GUCY2C: variants seen among roughly 807,000 people sequenced by gnomAD.
GUCY2C encodes guanylate cyclase 2C, also known as guanylyl cyclase C.
GUCY2C carries 118 observed loss-of-function variants against 131.1 expected under a neutral mutation model. That is an observed-to-expected ratio of 0.90 (90% CI 0.78 to 1.05). The LOEUF (loss-of-function observed/expected upper bound fraction) is 1.05. Among genes scored for constraint, GUCY2C ranks in the 50% least tolerant of loss-of-function variants. GUCY2C has a pLI of 0.00. For missense variants in GUCY2C, 1,161 were observed against 1,304.4 expected (o/e 0.89, Z 1.69); for synonymous variants, 452 against 457.8 (o/e 0.99, Z 0.16).
At chr12:14,680,905 A>T (rs1948335576) in intron 5 of GUCY2C, among the ~76,000 whole-genome samples, 1 of 152,156 alleles carries the variant, frequency 6.6e-6, no homozygotes, top group Non-Finnish European at 1.5e-5. Flanking sequence ...AAAGTGAGAT[A>T]ATCTTTGCTT....
chr12:14,668,779 G>A (rs922050483), intron 10 of GUCY2C, among the ~76,000 whole-genome samples: 3 of 152,082 alleles, frequency 2.0e-5, no homozygotes, highest in East Asian at 1.9e-4. Flanking sequence ...CTGAGGCCTC[G>A]TTGCCCAGGA....
intron 9 of GUCY2C, among the ~76,000 whole-genome samples, chr12:14,670,951 G>T (rs1948094708): frequency 6.6e-6 from 1 of 151,700 alleles, no homozygotes; most frequent in African/African-American, 2.4e-5. Context: ...GAGAGAATGA[G>T]AAAGAAGCAA....
intron 19 of GUCY2C, among the ~76,000 whole-genome samples, chr12:14,638,962 A>G (rs1190511155): frequency 1.3e-5 from 2 of 152,150 alleles, no homozygotes; most frequent in Non-Finnish European, 1.5e-5. Context: ...AAAATATCAC[A>G]TATACCCCAC....
chr12:14,619,619 A>G lies in GUCY2C; in HGVS notation c.2777-310T>C, dbSNP rs1592074610. 3 of 289,300 alleles carry G rather than the reference A, an allele frequency of 1.0e-5. No homozygotes were observed. The East Asian group carries it at 2.2e-4, about 21-fold the overall frequency. 17.9% of individuals were successfully genotyped at this position (289,300 alleles called of 1,614,324 possible). On this transcript the variant is annotated intron_variant, in intron 23 of 26. Transcript: ENST00000261170. Reference sequence around the variant, plus strand: ...AATAGAAGGCTCTCAGGAAGGATGAAGATGAGCCCCACTGCTTGCTTACTG... The same window carrying G: ...AATAGAAGGCTCTCAGGAAGGATGAGGATGAGCCCCACTGCTTGCTTACTG...
At chr12:14,692,403 A>G (rs945513705) in intron 1 of GUCY2C, among the ~76,000 whole-genome samples, 6 of 152,046 alleles carry the variant, frequency 3.9e-5, no homozygotes, top group African/African-American at 1.5e-4. Context: ...TAATAAAAAT[A>G]TTATTTATGC....
In GUCY2C at chr12:14,674,406, T is replaced by G. The variant is rs1320773248; in HGVS notation, c.1084+219A>C. 1.4e-5 allele frequency: 8 copies of G among 588,534 alleles called. No individual in the cohort carries two copies. The East Asian group carries it at 2.5e-4, about 18-fold the overall frequency. The allele number at this position is 588,534 out of a possible 1,614,324, so 36.5% of individuals were successfully genotyped here. On this transcript the variant is annotated intron_variant, in intron 8 of 26. Coordinates refer to ENST00000261170, the MANE Select transcript of GUCY2C (RefSeq NM_004963.4). ...AGAACCTGCGCTACCTGCCCTTTTC[T>G]GTGACATCCAAAGATTCTAAAAGAC...
intron 19 of GUCY2C, 36 bp downstream of exon 19, chr12:14,639,826 C>T: frequency 8.1e-7 from 1 of 1,229,878 alleles, no homozygotes; most frequent in Non-Finnish European, 1.2e-6. Flanking sequence ...AATTTTATAG[C>T]AGGCCAAGGA....
Position 14,621,060 on chromosome 12 carries a change from G to A in GUCY2C, c.2758C>T (p.Arg920Cys), listed in dbSNP as rs149347801. The A allele has an allele frequency of 1.7e-5, 28 of 1,613,652 alleles. No individual in the cohort carries two copies. Among genetic ancestry groups the A allele is most frequent in the South Asian group, 5.5e-5 (5 of 91,082 alleles). The change falls in exon 23 of 27, where the codon CGC becomes TGC. Residue 920 changes from arginine to cysteine, a missense_variant. Arg to Cys is a radical substitution (Grantham distance 180). Transcript: ENST00000261170. Reference protein sequence around the residue: ...EHLPGLPIWIRIGVHSGPCAA... With the variant: ...EHLPGLPIWICIGVHSGPCAA... ...TCCATACCAGAGTGAACTCCAATGC[G>A]AATCCATATTGGGAGGCCAGGAAGA...
At chr12:14,693,538 T>G (rs1948609715) in intron 1 of GUCY2C, among the ~76,000 whole-genome samples, 2 of 152,254 alleles carry the variant, frequency 1.3e-5, no homozygotes, top group South Asian at 4.1e-4. Flanking sequence ...TTTTCCTCAA[T>G]GTAACCCTGA....
chr12:14,675,619 C>T (rs1948217032), intron 7 of GUCY2C, among the ~76,000 whole-genome samples: 1 of 152,106 alleles, frequency 6.6e-6, no homozygotes, highest in African/African-American at 2.4e-5. Flanking sequence ...CTTCATGCCC[C>T]AAATGCCTGT....
intron 20 of GUCY2C, among the ~76,000 whole-genome samples, chr12:14,626,399 T>A (rs868447526): frequency 3.3e-5 from 5 of 152,264 alleles, no homozygotes; most frequent in Non-Finnish European, 7.4e-5. Context: ...AATGTTAAAA[T>A]GATGGTAATC....
intron 17 of GUCY2C, among the ~76,000 whole-genome samples, chr12:14,642,998 G>GTAAA (rs1947440098): frequency 1.3e-5 from 2 of 152,134 alleles, no homozygotes. Flanking sequence ...TCAAGAAAGG[G>GTAAA]TAAATGTTCA....
intron 11 of GUCY2C, among the ~76,000 whole-genome samples, chr12:14,660,083 A>G (rs1274957349): frequency 1.3e-5 from 2 of 152,240 alleles, no homozygotes; most frequent in Non-Finnish European, 2.9e-5. Flanking sequence ...GATTGAAGAA[A>G]ATAGTCTACT....
intron 21 of GUCY2C, among the ~76,000 whole-genome samples, chr12:14,622,582 A>G (rs1946918598): frequency 6.6e-6 from 1 of 152,186 alleles, no homozygotes. Context: ...AGCTGAGGAG[A>G]GTGTGGTATT....
In GUCY2C at chr12:14,640,177, A is replaced by G. The variant is rs1947364632; in HGVS notation, c.2069-227T>C. 2.0e-5 allele frequency among the ~76,000 whole-genome samples: 3 copies of G among 152,188 alleles called. No homozygotes were observed. In the South Asian group the frequency reaches 6.2e-4, roughly 32 times the overall value. ...CAGAAGGTTACCTTAAGGATAGGCT[A>G]CCAGGTGGGGCACAGTGCCTCAAAG... On this transcript the variant is annotated intron_variant, in intron 18 of 26. Coordinates refer to ENST00000261170, the MANE Select transcript of GUCY2C (RefSeq NM_004963.4).
Position 14,651,948 on chromosome 12 carries a change from G to A in GUCY2C, c.1605+11C>T, listed in dbSNP as rs199590084. 16 of 1,452,152 alleles carry A rather than the reference G, an allele frequency of 1.1e-5. No homozygotes were observed. The African/African-American group carries it at 2.2e-4, about 20-fold the overall frequency. The allele number at this position is 1,452,152 out of a possible 1,614,324, so 90.0% of individuals were successfully genotyped here. ...GTTATTTCTCAAGGGTTTGAAGTAA[G>A]GGCTACATACCTTGTTCAATTCTAT... On this transcript the variant is annotated intron_variant, in intron 14 of 26. Transcript: ENST00000261170.
rs983358248 is a variant in GUCY2C at position 14,696,456 on chromosome 12, A to G, written c.-8T>C. 15 of 1,607,902 alleles carry G rather than the reference A, an allele frequency of 9.3e-6. No homozygotes were observed. Among genetic ancestry groups the G allele is most frequent in the Admixed American group, 1.7e-5 (1 of 60,002 alleles). On this transcript the variant is annotated 5_prime_UTR_variant, in exon 1 of 27. Transcript: ENST00000261170. ...CAACAGCAACGTCTTCATGACCCCA[A>G]TCACGTTAGAACCATACTCCTTGTG...
intron 8 of GUCY2C, chr12:14,674,407 G>A: frequency 1.7e-6 from 1 of 590,168 alleles, no homozygotes. Context: ...GCCCTTTTCT[G>A]TGACATCCAA....
chr12:14,695,688 G>A (rs887193395), intron 1 of GUCY2C, among the ~76,000 whole-genome samples: 3 of 151,434 alleles, frequency 2.0e-5, no homozygotes, highest in African/African-American at 7.3e-5. Flanking sequence ...TGGTGTCTAT[G>A]TGAAATTGAC....
Sources: allele counts gnomAD v4.1 joint callset (sites outside exome capture counted in the v4.1 genomes callset), GRCh38; gene constraint gnomAD v4.1.1; transcripts MANE v1.5; gene names NCBI Gene and HGNC (gene_info 2026-07-23, HGNC 2026-07-21).